DOCK2: variants seen among roughly 807,000 people sequenced by gnomAD.
The protein encoded by DOCK2 is dedicator of cytokinesis 2, also known as dedicator of cytokinesis protein 2.
Under a neutral mutation model 248.9 loss-of-function variants are expected in DOCK2, and 87 were observed. That is an observed-to-expected ratio of 0.35 (90% CI 0.29 to 0.42). The LOEUF is 0.42. Among genes scored for constraint, DOCK2 ranks in the 10% least tolerant of loss-of-function variants. DOCK2 has a pLI of 1.00. For synonymous variants in DOCK2, 805 were observed against 821.6 expected (o/e 0.98, Z 0.35); for missense variants, 1,747 against 2,300.2 (o/e 0.76, Z 4.92).
intron 23 of DOCK2, among the ~76,000 whole-genome samples, chr5:169,748,496 G>A (rs1175069733): frequency 6.6e-6 from 1 of 152,232 alleles, no homozygotes; most frequent in Admixed American, 6.5e-5. Flanking sequence ...AGCAAAGTTT[G>A]AGAACCACTC....
At chr5:169,798,397 G>A (rs908605692) in intron 25 of DOCK2, among the ~76,000 whole-genome samples, 1 of 152,146 alleles carries the variant, frequency 6.6e-6, no homozygotes, top group African/African-American at 2.4e-5. Context: ...AAATCTACTA[G>A]CTTAGTTCAA....
chr5:170,081,032 C>T (rs1435228995), intron 50 of DOCK2: 3 of 152,420 alleles, frequency 2.0e-5, no homozygotes, highest in African/African-American at 7.2e-5. Flanking sequence ...CCAACTGCTA[C>T]TCCTTCTTTA....
chr5:169,707,103 T>C (rs1761314058), intron 14 of DOCK2, among the ~76,000 whole-genome samples: 2 of 152,218 alleles, frequency 1.3e-5, no homozygotes, highest in Non-Finnish European at 1.5e-5. Context: ...GAAAATTGTT[T>C]GGCCTAATAT....
chr5:169,776,120 TATATG>T (rs1765368804), intron 25 of DOCK2, among the ~76,000 whole-genome samples: 1 of 147,946 alleles, frequency 6.8e-6, no homozygotes, highest in African/African-American at 2.5e-5. Context: ...TTGTATCATA[TATATG>T]ATATGATATG....
intron 27 of DOCK2, among the ~76,000 whole-genome samples, chr5:169,967,188 AAGTG>A (rs2113757093): frequency 6.6e-6 from 1 of 152,332 alleles, no homozygotes. Context: ...AGTGCCATGA[AAGTG>A]ATATGCACAG....
chr5:169,762,133 A>G (rs575337013), intron 25 of DOCK2, among the ~76,000 whole-genome samples: 2 of 152,346 alleles, frequency 1.3e-5, no homozygotes, highest in Admixed American at 6.5e-5. Flanking sequence ...ATGAAAATGA[A>G]AAGGTATGAA....
chr5:169,712,277 G>A, intron 17 of DOCK2, 54 bp downstream of exon 17: 1 of 1,552,024 alleles, frequency 6.4e-7, no homozygotes, highest in East Asian at 2.3e-5. Context: ...AAGAAAGGGG[G>A]TGATGGCAAA....
intron 25 of DOCK2, among the ~76,000 whole-genome samples, chr5:169,785,139 G>A (rs1301680040): frequency 6.6e-6 from 1 of 152,122 alleles, no homozygotes; most frequent in Non-Finnish European, 1.5e-5. Flanking sequence ...ACCTCATTAT[G>A]GGTAGCTTCC....
chr5:169,983,184 T>TG lies in DOCK2; in HGVS notation c.2898+23dup. On this transcript the variant is annotated intron_variant, in intron 28 of 51. Transcript: ENST00000520908. The stretch of plus-strand genomic sequence containing the variant: ...AACTTGTGGTGAGTCTGCAGGATGC[T>TG]GGGGGTGAGGAAGAACTCTTCCATC... 4.3e-6 allele frequency: 7 copies of TG among 1,613,338 alleles called. No homozygotes were observed. The highest frequency in any genetic ancestry group is 5.9e-6 in the Non-Finnish European group (7 of 1,179,304).
chr5:169,728,627 C>T (rs545674643), intron 22 of DOCK2, among the ~76,000 whole-genome samples: 90 of 152,298 alleles, frequency 5.9e-4, no homozygotes, highest in African/African-American at 2.2e-3. Context: ...AGTTAGCCAA[C>T]CCTTTCCCAG....
chr5:169,695,042 G>C (rs1760531780), intron 9 of DOCK2: 1 of 152,182 alleles, frequency 6.6e-6, no homozygotes, highest in Non-Finnish European at 1.5e-5. Flanking sequence ...CTTGAAGTCA[G>C]GTGCGGCCAT....
chr5:169,686,012 C>T (rs1404263344), intron 8 of DOCK2, among the ~76,000 whole-genome samples: 1 of 152,154 alleles, frequency 6.6e-6, no homozygotes, highest in African/African-American at 2.4e-5. Context: ...TTATTATGCA[C>T]CAAAGTCCCT....
chr5:169,940,059 A>G (rs1358558378), intron 27 of DOCK2, among the ~76,000 whole-genome samples: 1 of 152,354 alleles, frequency 6.6e-6, no homozygotes, highest in East Asian at 1.9e-4. Flanking sequence ...TGTGTCATCT[A>G]GAGCCCTGGT....
chr5:169,907,781 A>G (rs1276223977), intron 27 of DOCK2, among the ~76,000 whole-genome samples: 1 of 152,154 alleles, frequency 6.6e-6, no homozygotes, highest in Admixed American at 6.5e-5. Flanking sequence ...GCAACCTTAC[A>G]GGGACATTTG....
intron 29 of DOCK2, among the ~76,000 whole-genome samples, chr5:169,991,126 G>A (rs1439187460): frequency 6.6e-6 from 1 of 152,256 alleles, no homozygotes; most frequent in Non-Finnish European, 1.5e-5. Context: ...GGCTGAGTGG[G>A]AAGGTGACCC....
intron 30 of DOCK2, among the ~76,000 whole-genome samples, chr5:170,004,394 G>T (rs910404233): frequency 6.6e-6 from 1 of 152,154 alleles, no homozygotes; most frequent in African/African-American, 2.4e-5. Flanking sequence ...ATATCTCATA[G>T]TGGTTTTGAT....
chr5:170,034,816 G>A (rs1337578901), intron 35 of DOCK2, among the ~76,000 whole-genome samples: 1 of 152,182 alleles, frequency 6.6e-6, no homozygotes, highest in Admixed American at 6.5e-5. Flanking sequence ...TCACATGGAA[G>A]GAAGATGACA....
At chr5:169,850,548 T>TA (rs11380663) in intron 27 of DOCK2, among the ~76,000 whole-genome samples, 104,812 of 151,724 alleles carry the variant, frequency 0.69, 37,354 homozygotes, top group African/African-American at 0.88. Flanking sequence ...AAGAAAATAG[T>TA]AAAAAAAATT....
intron 32 of DOCK2, among the ~76,000 whole-genome samples, chr5:170,016,403 G>T (rs1296522956): frequency 1.3e-5 from 2 of 152,192 alleles, no homozygotes; most frequent in Non-Finnish European, 2.9e-5. Flanking sequence ...TGTATGTAAA[G>T]ATATGCAAAC....
Sources: gnomAD v4.1 joint callset for allele counts (sites outside exome capture counted in the v4.1 genomes callset) on GRCh38, gnomAD v4.1.1 for gene constraint, MANE v1.5 for transcripts, NCBI Gene and HGNC (gene_info 2026-07-23, HGNC 2026-07-21) for gene names.